The following EEIG2 variants were observed in gnomAD, a reference collection of about 807,000 sequenced individuals.
The protein encoded by EEIG2 is family with sequence similarity 102 member B.
the EEIG2 span, chr1:108,606,126 C>A: frequency 1.4e-6 from 1 of 700,290 alleles, no homozygotes; most frequent in Non-Finnish European, 2.2e-6. Context: ...ATGATATTTG[C>A]CAGCATATAT....
chr1:108,601,378 AAG>A, the EEIG2 span, among the ~76,000 whole-genome samples: 1 of 152,146 alleles, frequency 6.6e-6, no homozygotes, highest in African/African-American at 2.4e-5. Flanking sequence ...GAATGAAAGC[AAG>A]AGTCTCTGGC....
chr1:108,617,699 TGTTAGAG>T, the EEIG2 span, among the ~76,000 whole-genome samples: 1 of 151,976 alleles, frequency 6.6e-6, no homozygotes, highest in East Asian at 1.9e-4. Context: ...CACCCCAGCG[TGTTAGAG>T]GTCGGGGAGA....
the EEIG2 span, among the ~76,000 whole-genome samples, chr1:108,570,780 G>A: frequency 6.6e-6 from 1 of 152,186 alleles, no homozygotes; most frequent in Non-Finnish European, 1.5e-5. Context: ...TAAAGAATCA[G>A]TAATGGGGTC....
the EEIG2 span, chr1:108,616,392 G>A: frequency 6.2e-7 from 1 of 1,600,436 alleles, no homozygotes; most frequent in East Asian, 2.2e-5. Flanking sequence ...GTTTTGATCA[G>A]TATGCAACTG....
chr1:108,614,330 C>T, the EEIG2 span, among the ~76,000 whole-genome samples: 1 of 151,898 alleles, frequency 6.6e-6, no homozygotes, highest in African/African-American at 2.4e-5. Flanking sequence ...CTGAGCATTG[C>T]TGAAGAGAAT....
the EEIG2 span, chr1:108,629,704 T>A: frequency 6.5e-4 from 935 of 1,446,090 alleles, 6 homozygotes; most frequent in African/African-American, 9.9e-3. Flanking sequence ...CTAATTTTTT[T>A]AAAAAAATCA....
At chr1:108,560,286 C>A in the EEIG2 span, 1 of 465,438 alleles carries the variant, frequency 2.1e-6, no homozygotes, top group Admixed American at 6.7e-5. Flanking sequence ...GCCCCGGCCG[C>A]GGCCGGCCTG....
At chr1:108,579,526 A>G in the EEIG2 span, among the ~76,000 whole-genome samples, 3,023 of 147,588 alleles carry the variant, frequency 0.02, 45 homozygotes, top group Admixed American at 0.034. Flanking sequence ...CATTAGACAG[A>G]TCAACGAGAC....
At chr1:108,574,964 G>A in the EEIG2 span, among the ~76,000 whole-genome samples, 21,327 of 152,066 alleles carry the variant, frequency 0.14, 2,271 homozygotes, top group African/African-American at 0.3. Context: ...TTCTGCAGTA[G>A]CAATGATGAG....
At chr1:108,602,459 C>A in the EEIG2 span, among the ~76,000 whole-genome samples, 1 of 152,202 alleles carries the variant, frequency 6.6e-6, no homozygotes, top group African/African-American at 2.4e-5. Flanking sequence ...TGATTGTTTT[C>A]TCCCTTTGTG....
At chr1:108,623,679 AT>A in the EEIG2 span, among the ~76,000 whole-genome samples, 7 of 150,796 alleles carry the variant, frequency 4.6e-5, no homozygotes, top group Non-Finnish European at 7.4e-5. Context: ...ATAAAAAAAT[AT>A]TTTTTTTTTG....
chr1:108,607,469 TAGGGTTTGGGTTTCCTTCCTTG>T, the EEIG2 span, among the ~76,000 whole-genome samples: 1 of 152,164 alleles, frequency 6.6e-6, no homozygotes, highest in Non-Finnish European at 1.5e-5. Flanking sequence ...AACAATGAGC[TAGGGTTTGGGTTTCCTTCCTTG>T]TACACATGGG....
the EEIG2 span, chr1:108,628,174 A>G: frequency 4.3e-6 from 7 of 1,614,100 alleles, no homozygotes; most frequent in Non-Finnish European, 5.1e-6. Flanking sequence ...CAGATCTTTC[A>G]GCAAAGAGTG....
At chr1:108,626,317 C>T in the EEIG2 span, 1 of 152,158 alleles carries the variant, frequency 6.6e-6, no homozygotes, top group Admixed American at 6.6e-5. Context: ...CTCTTTCTAC[C>T]CAGCCAGAGT....
the EEIG2 span, among the ~76,000 whole-genome samples, chr1:108,603,359 G>C: frequency 1.3e-5 from 2 of 152,158 alleles, no homozygotes; most frequent in Non-Finnish European, 2.9e-5. Flanking sequence ...CAAAGAGGAG[G>C]GGCCTTGATA....
chr1:108,600,429 T>G, the EEIG2 span: 1 of 942,274 alleles, frequency 1.1e-6, no homozygotes, highest in Non-Finnish European at 1.5e-6. Context: ...ATTTGCTTCC[T>G]TCCTGCTACA....
the EEIG2 span, among the ~76,000 whole-genome samples, chr1:108,573,223 A>G: frequency 6.6e-6 from 1 of 152,234 alleles, no homozygotes; most frequent in African/African-American, 2.4e-5. Flanking sequence ...TCTACTTTGC[A>G]AATAAATAAA....
the EEIG2 span, among the ~76,000 whole-genome samples, chr1:108,586,002 T>A: frequency 6.6e-6 from 1 of 152,152 alleles, no homozygotes; most frequent in Non-Finnish European, 1.5e-5. Flanking sequence ...ATTATAGAGT[T>A]CCTTTTTGAT....
At chr1:108,562,919 G>A in the EEIG2 span, among the ~76,000 whole-genome samples, 1 of 151,958 alleles carries the variant, frequency 6.6e-6, no homozygotes. Flanking sequence ...CTTTTAATTA[G>A]TGGGTGCCAG....
Sources: allele counts gnomAD v4.1 joint callset (sites outside exome capture counted in the v4.1 genomes callset), GRCh38; gene constraint gnomAD v4.1.1; transcripts MANE v1.5; gene names NCBI Gene and HGNC (gene_info 2026-07-23, HGNC 2026-07-21).